RFX3: variants seen among roughly 807,000 people sequenced by gnomAD.
The protein encoded by RFX3 is transcription factor RFX3.
A neutral mutation model predicts 98.6 loss-of-function variants in RFX3; 14 were observed. The observed-to-expected ratio is 0.14, with a 90% CI of 0.09 to 0.22. RFX3 has a LOEUF of 0.22. Among genes scored for constraint, RFX3 ranks in the 10% least tolerant of loss-of-function variants. The pLI is 1.00. For synonymous variants in RFX3, 383 were observed against 328.4 expected, an observed-to-expected ratio of 1.17 and a Z score of -1.80; for missense variants, 639 against 926.9, an observed-to-expected ratio of 0.69 and a Z score of 4.03.
intron 11 of RFX3, 96 bp from the exon 12 acceptor site, chr9:3,266,401 A>C: frequency 2.9e-6 from 2 of 693,948 alleles, no homozygotes. Flanking sequence ...ACAATATCTG[A>C]TACAGCACAG....
At chr9:3,293,541 A>T (rs1423160319) in intron 5 of RFX3, among the ~76,000 whole-genome samples, 1 of 152,178 alleles carries the variant, frequency 6.6e-6, no homozygotes, top group Non-Finnish European at 1.5e-5. Context: ...TCCAATTTTG[A>T]AAATAGACAC....
At chr9:3,468,890 T>A (rs1200266632) in intron 1 of RFX3, among the ~76,000 whole-genome samples, 3 of 150,264 alleles carry the variant, frequency 2.0e-5, no homozygotes, top group Non-Finnish European at 4.5e-5. Flanking sequence ...TTAAACATTC[T>A]AAAGGGCAAT....
chr9:3,325,504 G>A (rs1467732708), intron 4 of RFX3, among the ~76,000 whole-genome samples: 2 of 151,932 alleles, frequency 1.3e-5, no homozygotes, highest in African/African-American at 4.8e-5. Flanking sequence ...GTTAGCAACA[G>A]CCCATTTAAA....
At chr9:3,449,176 T>C (rs1181199014) in intron 1 of RFX3, among the ~76,000 whole-genome samples, 2 of 152,158 alleles carry the variant, frequency 1.3e-5, no homozygotes, top group East Asian at 3.8e-4. Flanking sequence ...TATTAATACA[T>C]AGGAGAGCAA....
At chr9:3,251,147 TTA>T (rs150695610) in intron 14 of RFX3, among the ~76,000 whole-genome samples, 2,160 of 152,276 alleles carry the variant, frequency 0.014, 20 homozygotes, top group Non-Finnish European at 0.022. Context: ...ACGTTAAACA[TTA>T]TGTTTCTGAA....
chr9:3,282,807 A>T (rs1179418932), intron 7 of RFX3, among the ~76,000 whole-genome samples: 1 of 151,832 alleles, frequency 6.6e-6, no homozygotes, highest in East Asian at 1.9e-4. Flanking sequence ...CAACAACAAA[A>T]AAGGCAACTG....
intron 1 of RFX3, among the ~76,000 whole-genome samples, chr9:3,512,934 G>A (rs918862596): frequency 2.5e-4 from 38 of 151,226 alleles, no homozygotes; most frequent in African/African-American, 7.8e-4. Flanking sequence ...CCCAAATATC[G>A]TTATGTCCTT....
At chr9:3,346,803 A>G in intron 2 of RFX3, 39 bp from the exon 3 acceptor site, 1 of 1,256,470 alleles carries the variant, frequency 8.0e-7, no homozygotes, top group Non-Finnish European at 1.2e-6. Flanking sequence ...AGAGGTAGGT[A>G]TGATAGGAAG....
intron 2 of RFX3, among the ~76,000 whole-genome samples, chr9:3,372,550 CTTT>C (rs553629010): frequency 2.2e-5 from 3 of 135,650 alleles, no homozygotes; most frequent in African/African-American, 2.6e-5. Flanking sequence ...TTCTTTCTTT[CTTT>C]TTTTTTTTTT....
intron 1 of RFX3, among the ~76,000 whole-genome samples, chr9:3,425,684 C>A (rs961859608): frequency 3.9e-5 from 6 of 152,112 alleles, no homozygotes. Flanking sequence ...TCAATGTATT[C>A]TTAATCAAAA....
chr9:3,512,159 T>C (rs1196396123), intron 1 of RFX3, among the ~76,000 whole-genome samples: 1 of 152,070 alleles, frequency 6.6e-6, no homozygotes, highest in Non-Finnish European at 1.5e-5. Context: ...AAATATTTTG[T>C]TTTAAACATA....
intron 5 of RFX3, among the ~76,000 whole-genome samples, chr9:3,299,570 G>A (rs919380102): frequency 2.0e-5 from 3 of 151,514 alleles, no homozygotes; most frequent in South Asian, 2.1e-4. Context: ...CAACATTTGC[G>A]CCCACTCTTT....
Position 3,219,736 on chromosome 9 carries a change from A to T in RFX3, c.*5306T>A, listed in dbSNP as rs1262128059. On this transcript the variant is annotated 3_prime_UTR_variant, in exon 17 of 17. Coordinates refer to ENST00000617270, the MANE Select transcript of RFX3 (RefSeq NM_001282116.2). ...ATCATCATGAAGAATTCAAAAGAAG[A>T]GAGTTAAATTAAAACCCTTTGAGTA... 6.6e-6 allele frequency: 1 copy of T among 152,210 alleles called. No homozygotes were observed. Among genetic ancestry groups the T allele is most frequent in the Non-Finnish European group, 1.5e-5 (1 of 68,042 alleles). 9.4% of individuals were successfully genotyped at this position (152,210 alleles called of 1,614,324 possible).
At position 3,344,744 on chromosome 9, in the gene RFX3, G is replaced by T. The variant is rs964769651; in HGVS notation, c.215+1923C>A. 4 of 652,790 alleles carry T rather than the reference G, an allele frequency of 6.1e-6. No individual in the cohort carries two copies. The African/African-American group carries it at 7.5e-5, about 12-fold the overall frequency. The allele number at this position is 652,790 out of a possible 1,614,324, so 40.4% of individuals were successfully genotyped here. On this transcript the variant is annotated intron_variant, in intron 3 of 16. Transcript: ENST00000617270. ...ACTGACAACTGGGTGACCTCTAGCA[G>T]TGTCTACAAAGCCATTTATTTTCCC...
intron 1 of RFX3, among the ~76,000 whole-genome samples, chr9:3,483,275 AT>A (rs769768832): frequency 3.3e-5 from 5 of 152,164 alleles, no homozygotes; most frequent in Non-Finnish European, 5.9e-5. Context: ...TTCTAATGCC[AT>A]TTTGGCCCAG....
intron 4 of RFX3, among the ~76,000 whole-genome samples, chr9:3,309,244 G>C (rs956593411): frequency 1.3e-5 from 2 of 152,130 alleles, no homozygotes; most frequent in African/African-American, 4.8e-5. Flanking sequence ...AAGGGCAAGG[G>C]AGATGTCGTA....
intron 1 of RFX3, among the ~76,000 whole-genome samples, chr9:3,414,364 A>G (rs960998741): frequency 5.9e-5 from 9 of 152,042 alleles, no homozygotes; most frequent in African/African-American, 2.2e-4. Context: ...TTATCTTGCA[A>G]AATCAGTGAG....
At chr9:3,253,200 G>T (rs974984546) in intron 14 of RFX3, among the ~76,000 whole-genome samples, 1 of 152,126 alleles carries the variant, frequency 6.6e-6, no homozygotes, top group Non-Finnish European at 1.5e-5. Context: ...CCTAACATGC[G>T]ATAGCCAACC....
chr9:3,387,187 C>T (rs1839815667), intron 2 of RFX3, among the ~76,000 whole-genome samples: 1 of 152,134 alleles, frequency 6.6e-6, no homozygotes, highest in Admixed American at 6.6e-5. Context: ...AATCTTCCAT[C>T]TTTGCTCCTA....
Sources: gnomAD v4.1 joint callset for allele counts (sites outside exome capture counted in the v4.1 genomes callset) on GRCh38, gnomAD v4.1.1 for gene constraint, MANE v1.5 for transcripts, NCBI Gene and HGNC (gene_info 2026-07-23, HGNC 2026-07-21) for gene names.